PCDHGA8: variants seen among roughly 807,000 people sequenced by gnomAD.
The protein encoded by PCDHGA8 is protocadherin gamma-A8.
PCDHGA8 carries 45 observed loss-of-function variants against 59.2 expected under a neutral mutation model. That is an observed-to-expected ratio of 0.76 (90% CI 0.60 to 0.98). PCDHGA8 has a LOEUF of 0.98. Among genes scored for constraint, PCDHGA8 ranks in the 50% least tolerant of loss-of-function variants. The pLI is 0.00. For missense variants in PCDHGA8, 1,257 were observed against 1,196.2 expected, an observed-to-expected ratio of 1.05 and a Z score of -0.75; for synonymous variants, 531 against 519.0, an observed-to-expected ratio of 1.02 and a Z score of -0.32.
Position 141,394,856 on chromosome 5 carries a change from G to A in PCDHGA8, c.2043G>A (p.Ser681=), listed in dbSNP as rs1008039711. The change falls in exon 1 of 4, where the codon TCG becomes TCA. Residue 681 remains serine, a synonymous_variant. Transcript: ENST00000398604. ...VLTELGSLKP[S]VDPNDSSLTL... ...CCGAGTTGGGCAGTCTGAAGCCTTC[G>A]GTCGACCCGAACGATTCGAGCCTTA... The A allele has an allele frequency of 6.2e-7, 1 of 1,613,792 alleles. No homozygotes were observed. Among genetic ancestry groups the A allele is most frequent in the Non-Finnish European group, 8.5e-7 (1 of 1,179,918 alleles).
intron 1 of PCDHGA8, chr5:141,421,454 T>C: frequency 6.2e-7 from 1 of 1,614,132 alleles, no homozygotes; most frequent in Non-Finnish European, 8.5e-7. Flanking sequence ...ACACAGCTTT[T>C]CGCTGTGAAT....
At chr5:141,409,638 C>A (rs1040366842) in intron 1 of PCDHGA8, 1 of 1,613,648 alleles carries the variant, frequency 6.2e-7, no homozygotes, top group Admixed American at 1.7e-5. Flanking sequence ...GCCTCTGACC[C>A]GGATTTGGGG....
intron 1 of PCDHGA8, among the ~76,000 whole-genome samples, chr5:141,455,489 A>T (rs925133619): frequency 3.9e-5 from 6 of 152,152 alleles, no homozygotes; most frequent in African/African-American, 4.8e-5. Context: ...GGTGGAGGTG[A>T]TGTCTGATTT....
At position 141,431,667 on chromosome 5, in the gene PCDHGA8, C is replaced by T. The variant is rs759257105; in HGVS notation, c.2424+36430C>T. ...GATTGTAATTCAGGGACAATATCAA[C>T]AATAGGGGAGTTGGACCACGAGGAG... On this transcript the variant is annotated intron_variant, in intron 1 of 3. Coordinates refer to ENST00000398604, the MANE Select transcript of PCDHGA8 (RefSeq NM_032088.2). This position sits in a 1 kb window ranked among gnomAD's most constrained non-coding sequence, Gnocchi z 4.8. 1 of 1,614,226 alleles carries T rather than the reference C, an allele frequency of 6.2e-7. No individual in the cohort carries two copies. The highest frequency in any genetic ancestry group is 1.3e-5 in the African/African-American group (1 of 75,072).
At chr5:141,407,563 A>T (rs1483622352) in intron 1 of PCDHGA8, among the ~76,000 whole-genome samples, 1 of 152,032 alleles carries the variant, frequency 6.6e-6, no homozygotes, top group Non-Finnish European at 1.5e-5. Context: ...ACATAAGCTG[A>T]AAGATAAAAT....
At chr5:141,398,045 G>A (rs2093604271) in intron 1 of PCDHGA8, 1 of 1,498,158 alleles carries the variant, frequency 6.7e-7, no homozygotes. Flanking sequence ...AAGCCCGTTC[G>A]GAGATCCAAA....
Position 141,394,317 on chromosome 5 carries a change from T to C in PCDHGA8, c.1504T>C (p.Ser502Pro). The change falls in exon 1 of 4, where the codon TCC (serine) becomes CCC (proline). Residue 502 changes from serine to proline, a missense_variant. Ser to Pro is a moderately conservative substitution (Grantham distance 74, BLOSUM62 -1). Transcript: ENST00000398604. ...TEDTLQGAPL[S>P]SYISINSDTG... ...GGACACGCTGCAGGGGGCGCCCCTGTCCTCGTATATCTCCATCAACTCTGA... is the reference window on the plus strand; with the variant it reads ...GGACACGCTGCAGGGGGCGCCCCTGCCCTCGTATATCTCCATCAACTCTGA... 1 of 1,613,972 alleles carries C rather than the reference T, an allele frequency of 6.2e-7. No individual in the cohort carries two copies. Among genetic ancestry groups the C allele is most frequent in the Non-Finnish European group, 8.5e-7 (1 of 1,179,900 alleles).
At position 141,500,878 on chromosome 5, in the gene PCDHGA8, T is replaced by A. The variant is rs545375199; in HGVS notation, c.2484-4515T>A. On this transcript the variant is annotated intron_variant, in intron 2 of 3. Transcript: ENST00000398604. The stretch of plus-strand genomic sequence containing the variant: ...AGAAAACATACACATTCATTTACAA[T>A]TTTTTTTTTTTGAGACAGTCTCGCT... Among the ~76,000 whole-genome samples, 20 of 92,410 alleles carry A rather than the reference T, an allele frequency of 2.2e-4. 1 individual carries two copies. The East Asian group carries it at 4.8e-3, about 22-fold the overall frequency. The allele number at this position is 92,410 out of a possible 152,430, so 60.6% of individuals were successfully genotyped here.
Position 141,397,948 on chromosome 5 carries a change from C to T in PCDHGA8, c.2424+2711C>T, listed in dbSNP as rs139631080. The T allele has an allele frequency of 7.9e-4, 721 of 913,614 alleles. 6 individuals are homozygous for T. The African/African-American group carries it at 0.01, about 13-fold the overall frequency. The allele number at this position is 913,614 out of a possible 1,614,324, so 56.6% of individuals were successfully genotyped here. On this transcript the variant is annotated intron_variant, in intron 1 of 3. Coordinates refer to ENST00000398604, the MANE Select transcript of PCDHGA8 (RefSeq NM_032088.2). Reference sequence around the variant, plus strand: ...CGCAGCCGCAGCGCGCTTTCCAGGGCAGCCCCAGCTCAGACTCCCCAGCGC... The same window carrying T: ...CGCAGCCGCAGCGCGCTTTCCAGGGTAGCCCCAGCTCAGACTCCCCAGCGC...
rs770249472 is a variant in PCDHGA8, at chr5:141,477,747, C to T, written c.2425-17060C>T. On this transcript the variant is annotated intron_variant, in intron 1 of 3. Transcript: ENST00000398604. The surrounding 1 kb of genome is among the most constrained non-coding windows in gnomAD (Gnocchi z 4.9). ...ACAGCTCATATCAGCGATGGGGGCA[C>T]CCCGGTCCTAGCCACCAACATCAGC... 6.2e-7 allele frequency: 1 copy of T among 1,613,840 alleles called. No individual in the cohort carries two copies. The highest frequency in any genetic ancestry group is 1.7e-5 in the Admixed American group (1 of 60,026).
In PCDHGA8 at chr5:141,432,856, G is replaced by C; in HGVS notation, c.2424+37619G>C. 1 of 1,614,142 alleles carries C rather than the reference G, an allele frequency of 6.2e-7. No homozygotes were observed. The highest frequency in any genetic ancestry group is 1.7e-5 in the Admixed American group (1 of 60,030). On this transcript the variant is annotated intron_variant, in intron 1 of 3. Coordinates refer to ENST00000398604, the MANE Select transcript of PCDHGA8 (RefSeq NM_032088.2). This position sits in a 1 kb window ranked among gnomAD's most constrained non-coding sequence, Gnocchi z 6.0. Reference sequence around the variant, plus strand: ...TGTACCTGGTGGTAGCGGTGGCCGCGGTCTCCTGCGTCTTCCTGGCCTTCG... The same window carrying C: ...TGTACCTGGTGGTAGCGGTGGCCGCCGTCTCCTGCGTCTTCCTGGCCTTCG...
rs969397099 is a variant in PCDHGA8, at chr5:141,477,807, C to T, written c.2425-17000C>T. 6.2e-6 allele frequency: 10 copies of T among 1,613,932 alleles called. No homozygotes were observed. Among genetic ancestry groups the T allele is most frequent in the African/African-American group, 1.3e-5 (1 of 74,922 alleles). ...TTTGTCACTGATCGCAATGACAATG[C>T]CCCCCAGGTCCTATATCCTCGGCCA... is the stretch of plus-strand genomic sequence containing the variant. On this transcript the variant is annotated intron_variant, in intron 1 of 3. Transcript: ENST00000398604. The surrounding 1 kb of genome is among the most constrained non-coding windows in gnomAD (Gnocchi z 4.9).
At chr5:141,430,986 C>G (rs549700048) in intron 1 of PCDHGA8, 1 of 1,613,762 alleles carries the variant, frequency 6.2e-7, no homozygotes, top group African/African-American at 1.3e-5. Context: ...CAGCTTTTCG[C>G]CCTGAATCCG....
At chr5:141,433,289 G>C in intron 1 of PCDHGA8, 1 of 1,130,682 alleles carries the variant, frequency 8.8e-7, no homozygotes, top group Non-Finnish European at 1.3e-6. Context: ...AAACTCCTAG[G>C]CTCAAGCAAT....
chr5:141,419,469 A>G, intron 1 of PCDHGA8: 1 of 1,612,490 alleles, frequency 6.2e-7, no homozygotes, highest in South Asian at 1.1e-5. Context: ...GCCCGCGACC[A>G]GGGCTCGCCC....
chr5:141,392,892 G>C lies in PCDHGA8; in HGVS notation c.79G>C (p.Gly27Arg). The C allele has an allele frequency of 6.2e-7, 1 of 1,613,702 alleles. No individual in the cohort carries two copies. Among genetic ancestry groups the C allele is most frequent in the East Asian group, 2.2e-5 (1 of 44,868 alleles). The change falls in exon 1 of 4, where the codon GGG becomes CGG. Residue 27 changes from glycine (G) to arginine (R), a missense_variant. Gly to Arg is a moderately radical substitution (Grantham distance 125). Transcript: ENST00000398604. Reference sequence around the variant, plus strand: ...GCTGCTGGGAACGCTGTGGGAAATCGGGAGGGGACAGATTCGCTACTCTGT... The same window carrying C: ...GCTGCTGGGAACGCTGTGGGAAATCCGGAGGGGACAGATTCGCTACTCTGT... ...CALLGTLWEI[G>R]RGQIRYSVPE...
intron 1 of PCDHGA8, chr5:141,402,902 G>GA: frequency 6.6e-7 from 1 of 1,522,022 alleles, no homozygotes; most frequent in Non-Finnish European, 8.8e-7. Flanking sequence ...AGAACCTGAT[G>GA]AAGCAGCGCG....
At chr5:141,498,318 G>T (rs927950671) in intron 2 of PCDHGA8, among the ~76,000 whole-genome samples, 2 of 151,792 alleles carry the variant, frequency 1.3e-5, no homozygotes, top group African/African-American at 4.8e-5. Flanking sequence ...TGCCTACACA[G>T]AAGGAAGAGC....
intron 2 of PCDHGA8, among the ~76,000 whole-genome samples, chr5:141,499,612 C>T (rs1489412444): frequency 6.6e-6 from 1 of 151,968 alleles, no homozygotes; most frequent in African/African-American, 2.4e-5. Context: ...TACCCTTATC[C>T]TGTCCTTGGA....
Sources: allele counts gnomAD v4.1 joint callset (sites outside exome capture counted in the v4.1 genomes callset), GRCh38; gene constraint gnomAD v4.1.1; non-coding constraint Gnocchi (gnomAD v3.1); transcripts MANE v1.5; gene names NCBI Gene and HGNC (gene_info 2026-07-23, HGNC 2026-07-21).